ESR2: variants seen among roughly 807,000 people sequenced by gnomAD.
The protein encoded by ESR2 is estrogen receptor beta.
A neutral mutation model predicts 49.6 loss-of-function variants in ESR2; 36 were observed. That is an observed-to-expected ratio of 0.73 (90% confidence interval 0.56 to 0.96). ESR2 has a LOEUF of 0.96. Ranked by LOEUF, ESR2 falls within the 40% of genes least tolerant of loss-of-function variation. ESR2 has a pLI of 0.00. For missense variants in ESR2, 714 were observed against 693.0 expected, an observed-to-expected ratio of 1.03 and a Z score of -0.34; for synonymous variants, 320 against 266.1, an observed-to-expected ratio of 1.20 and a Z score of -1.97.
intron 1 of ESR2, among the ~76,000 whole-genome samples, chr14:64,323,139 G>T (rs369878556): frequency 1.3e-5 from 2 of 152,214 alleles, no homozygotes; most frequent in African/African-American, 4.8e-5. Context: ...CATGGGCAGA[G>T]AGAAAATTAT....
upstream of ESR2, chr14:64,297,656 C>T (rs1373567694): frequency 6.6e-6 from 1 of 152,172 alleles, no homozygotes; most frequent in Non-Finnish European, 1.5e-5. Flanking sequence ...AAGCCTTTGA[C>T]TTGGAAAGAT....
chr14:64,331,698 C>T (rs377284207), intron 1 of ESR2, among the ~76,000 whole-genome samples: 15 of 151,970 alleles, frequency 9.9e-5, no homozygotes, highest in African/African-American at 3.6e-4. Context: ...TGGTGGCGCG[C>T]CTGTAATCCC....
At chr14:64,296,196 A>G (rs185160785), upstream of ESR2, among the ~76,000 whole-genome samples, 14 of 152,324 alleles carry the variant, frequency 9.2e-5, no homozygotes, top group Non-Finnish European at 1.9e-4. Context: ...GCATCTATCA[A>G]TATTAACATC....
chr14:64,306,863 T>A (rs1052371877), intron 1 of ESR2, among the ~76,000 whole-genome samples: 3 of 152,218 alleles, frequency 2.0e-5, no homozygotes, highest in African/African-American at 4.8e-5. Flanking sequence ...TTATTTCTCC[T>A]TAATCATTTG....
chr14:64,337,063 A>G (rs2077540762), intron 1 of ESR2, among the ~76,000 whole-genome samples: 2 of 152,232 alleles, frequency 1.3e-5, no homozygotes, highest in Non-Finnish European at 2.9e-5. Flanking sequence ...ATCTGATTCA[A>G]TAATATCTCT....
chr14:64,293,214 A>G (rs1002282551), intron 1 of ESR2, among the ~76,000 whole-genome samples: 2 of 152,200 alleles, frequency 1.3e-5, no homozygotes, highest in Admixed American at 6.5e-5. Flanking sequence ...TTCCTTTCAC[A>G]TGTTCACTTT....
chr14:64,263,076 G>C lies in ESR2; in HGVS notation c.653-2328C>G, dbSNP rs546308035. On this transcript the variant is annotated intron_variant, in intron 4 of 8. Coordinates refer to ENST00000341099, the MANE Select transcript of ESR2 (RefSeq NM_001437.3). ...ATGATAGAAATGAACCCAAATATCA[G>C]TTATCACAATAAACAAAAAATACCA... Among the ~76,000 whole-genome samples the C allele has an allele frequency of 2.0e-5, 3 of 152,212 alleles. No homozygotes were observed. The South Asian group carries it at 6.2e-4, about 32-fold the overall frequency.
intron 2 of ESR2, among the ~76,000 whole-genome samples, chr14:64,281,492 G>A (rs1316368147): frequency 6.6e-6 from 1 of 151,804 alleles, no homozygotes; most frequent in African/African-American, 2.4e-5. Context: ...TATCCACAAT[G>A]TTTATATTCT....
At chr14:64,277,174 G>T (rs1365551793) in intron 3 of ESR2, among the ~76,000 whole-genome samples, 1 of 152,102 alleles carries the variant, frequency 6.6e-6, no homozygotes, top group African/African-American at 2.4e-5. Flanking sequence ...CACTCTGATG[G>T]CAACTCATTG....
chr14:64,241,776 C>A (rs921839515), intron 7 of ESR2, among the ~76,000 whole-genome samples: 15 of 152,194 alleles, frequency 9.9e-5, no homozygotes, highest in Non-Finnish European at 1.8e-4. Context: ...TTACACCTTA[C>A]AAACTTGCTA....
At chr14:64,295,082 C>A (rs2076939020), upstream of ESR2, among the ~76,000 whole-genome samples, 1 of 152,202 alleles carries the variant, frequency 6.6e-6, no homozygotes. Context: ...CCCTCACCCA[C>A]CCCAGCAGGA....
chr14:64,311,415 G>A (rs961790495), intron 1 of ESR2, among the ~76,000 whole-genome samples: 1 of 151,832 alleles, frequency 6.6e-6, no homozygotes, highest in Non-Finnish European at 1.5e-5. Context: ...TGAGGCAGGC[G>A]GATCACTAGA....
intron 1 of ESR2, among the ~76,000 whole-genome samples, chr14:64,318,577 A>C (rs1310921375): frequency 6.9e-6 from 1 of 144,790 alleles, no homozygotes; most frequent in African/African-American, 2.5e-5. Context: ...AATTTAAATT[A>C]TCAAGCAAGT....
At chr14:64,276,302 C>T (rs975016720) in intron 3 of ESR2, among the ~76,000 whole-genome samples, 28 of 152,062 alleles carry the variant, frequency 1.8e-4, no homozygotes, top group Admixed American at 1.6e-3. Flanking sequence ...AATATAAAAA[C>T]GGGCAAAATC....
At chr14:64,237,044 T>C (rs573335086) in intron 7 of ESR2, among the ~76,000 whole-genome samples, 1 of 151,580 alleles carries the variant, frequency 6.6e-6, no homozygotes, top group South Asian at 2.1e-4. Context: ...CACTGCAACC[T>C]CCGCCTCCCG....
At chr14:64,256,292 C>A (rs2076093537) in intron 6 of ESR2, among the ~76,000 whole-genome samples, 1 of 152,154 alleles carries the variant, frequency 6.6e-6, no homozygotes, top group Admixed American at 6.6e-5. Context: ...AAATTGTTTC[C>A]TTTTCTGTGT....
At chr14:64,289,543 A>G (rs779114080) in intron 1 of ESR2, among the ~76,000 whole-genome samples, 12 of 152,090 alleles carry the variant, frequency 7.9e-5, no homozygotes, top group Non-Finnish European at 1.2e-4. Flanking sequence ...AAAAGAAAAA[A>G]AAAAAGAAAG....
intron 1 of ESR2, among the ~76,000 whole-genome samples, chr14:64,310,381 G>C (rs2077173696): frequency 6.6e-6 from 1 of 151,174 alleles, no homozygotes; most frequent in African/African-American, 2.4e-5. Flanking sequence ...CATCAAATCT[G>C]TTCTTTCCAT....
upstream of ESR2, among the ~76,000 whole-genome samples, chr14:64,295,555 G>C (rs985215005): frequency 6.6e-6 from 1 of 152,174 alleles, no homozygotes; most frequent in Non-Finnish European, 1.5e-5. Context: ...CAGGTTGAAA[G>C]GCAGAGTCTC....
Sources: gnomAD v4.1 joint callset for allele counts (sites outside exome capture counted in the v4.1 genomes callset) on GRCh38, gnomAD v4.1.1 for gene constraint, MANE v1.5 for transcripts, NCBI Gene and HGNC (gene_info 2026-07-23, HGNC 2026-07-21) for gene names.